PARD3: variants seen among roughly 807,000 people sequenced by gnomAD.
PARD3 encodes the protein partitioning defective 3 homolog.
A neutral mutation model predicts 155.4 loss-of-function variants in PARD3; 75 were observed. That is an observed-to-expected ratio of 0.48 (90% CI 0.40 to 0.58). The LOEUF is 0.58. Among genes scored for constraint, PARD3 ranks in the 20% least tolerant of loss-of-function variants. The pLI is 0.00. For synonymous variants in PARD3, 576 were observed against 610.5 expected, an observed-to-expected ratio of 0.94 and a Z score of 0.83; for missense variants, 1,642 against 1,721.7, an observed-to-expected ratio of 0.95 and a Z score of 0.82.
chr10:34,616,468 T>C (rs1023475022), intron 2 of PARD3, among the ~76,000 whole-genome samples: 5 of 152,122 alleles, frequency 3.3e-5, no homozygotes, highest in African/African-American at 1.2e-4. Flanking sequence ...AGACAAAATA[T>C]TGGAATCAAT....
At chr10:34,163,148 T>C (rs1337179308) in intron 22 of PARD3, among the ~76,000 whole-genome samples, 1 of 152,124 alleles carries the variant, frequency 6.6e-6, no homozygotes, top group Non-Finnish European at 1.5e-5. Flanking sequence ...CCAATACCCT[T>C]GGTAGGACTT....
At chr10:34,505,801 T>C (rs1357262123) in intron 3 of PARD3, among the ~76,000 whole-genome samples, 1 of 152,200 alleles carries the variant, frequency 6.6e-6, no homozygotes, top group Non-Finnish European at 1.5e-5. Context: ...ATTAAATATA[T>C]GGGCCAAATG....
At chr10:34,178,520 G>GT (rs1950132485) in intron 22 of PARD3, among the ~76,000 whole-genome samples, 1 of 152,144 alleles carries the variant, frequency 6.6e-6, no homozygotes, top group African/African-American at 2.4e-5. Flanking sequence ...GACCTTTAGC[G>GT]TAAGAATTGA....
rs201199126 is a variant in PARD3, at chr10:34,646,304, T to C, written c.222+50014A>G. Among the ~76,000 whole-genome samples the C allele has an allele frequency of 1.2e-4, 19 of 152,320 alleles. No individual in the cohort carries two copies. The East Asian group carries it at 3.3e-3, about 26-fold the overall frequency. On this transcript the variant is annotated intron_variant, in intron 2 of 24. Coordinates refer to ENST00000374788, the MANE Select transcript of PARD3 (RefSeq NM_001184785.2). Reference sequence around the variant, plus strand: ...CCCTGATGAATAATTTAGAAAATAATATACTTTATTACTGAAATTTTGCCC... The same window carrying C: ...CCCTGATGAATAATTTAGAAAATAACATACTTTATTACTGAAATTTTGCCC...
At chr10:34,727,906 A>ACACACC (rs1279697246) in intron 1 of PARD3, among the ~76,000 whole-genome samples, 2 of 149,950 alleles carry the variant, frequency 1.3e-5, no homozygotes, top group Admixed American at 6.7e-5. Flanking sequence ...ACACACACAC[A>ACACACC]CCACTTCCAT....
chr10:34,407,599 A>C (rs12263657), intron 5 of PARD3, among the ~76,000 whole-genome samples: 6,655 of 152,310 alleles, frequency 0.044, 470 homozygotes, highest in African/African-American at 0.15. Flanking sequence ...CTAAAAAGGC[A>C]GTCGACATAC....
chr10:34,562,047 C>T (rs1300455142), intron 2 of PARD3, among the ~76,000 whole-genome samples: 2 of 134,232 alleles, frequency 1.5e-5, no homozygotes, highest in Admixed American at 1.7e-4. Context: ...GGGAGAGAAT[C>T]ACTTGAACCT....
chr10:34,270,547 T>C (rs1955565247), intron 21 of PARD3, among the ~76,000 whole-genome samples: 1 of 152,196 alleles, frequency 6.6e-6, no homozygotes, highest in Non-Finnish European at 1.5e-5. Context: ...CATGAATTTG[T>C]TTAAGGCAAG....
At chr10:34,403,216 T>C (rs951343913) in intron 5 of PARD3, among the ~76,000 whole-genome samples, 3 of 152,266 alleles carry the variant, frequency 2.0e-5, no homozygotes, top group Non-Finnish European at 4.4e-5. Flanking sequence ...TGTATACATA[T>C]AATTTGTTAG....
intron 12 of PARD3, among the ~76,000 whole-genome samples, chr10:34,370,807 GGTGTGTGT>G (rs3040369): frequency 0.022 from 3,207 of 145,652 alleles, 48 homozygotes; most frequent in Admixed American, 0.041. Flanking sequence ...ATACAAATGG[GGTGTGTGT>G]GTGTGTGTGT....
At chr10:34,177,988 A>T (rs115229024) in intron 22 of PARD3, among the ~76,000 whole-genome samples, 359 of 152,344 alleles carry the variant, frequency 2.4e-3, no homozygotes, top group African/African-American at 8.2e-3. Context: ...ATACTATTGC[A>T]GGAAAACATA....
intron 18 of PARD3, among the ~76,000 whole-genome samples, chr10:34,331,558 C>T (rs1835617426): frequency 6.6e-6 from 1 of 152,020 alleles, no homozygotes; most frequent in Non-Finnish European, 1.5e-5. Flanking sequence ...TCTCTCTTTG[C>T]ATTAGGAAAA....
intron 16 of PARD3, among the ~76,000 whole-genome samples, chr10:34,338,985 C>T (rs1160289023): frequency 1.3e-5 from 2 of 152,010 alleles, no homozygotes; most frequent in Admixed American, 6.6e-5. Context: ...CCTCAGATGC[C>T]CCTTCACATA....
At chr10:34,155,668 A>G (rs1588956959) in intron 22 of PARD3, among the ~76,000 whole-genome samples, 2 of 140,428 alleles carry the variant, frequency 1.4e-5, no homozygotes, top group South Asian at 5.1e-4. Context: ...CCCTCTAAAA[A>G]TGTGTGTGTG....
At chr10:34,325,323 C>G (rs1958625166) in intron 19 of PARD3, among the ~76,000 whole-genome samples, 1 of 152,022 alleles carries the variant, frequency 6.6e-6, no homozygotes, top group Non-Finnish European at 1.5e-5. Flanking sequence ...TCACTATGCT[C>G]TCACCTGCCC....
intron 2 of PARD3, among the ~76,000 whole-genome samples, chr10:34,518,543 G>A (rs1192681527): frequency 4.6e-5 from 7 of 152,148 alleles, no homozygotes; most frequent in Non-Finnish European, 7.3e-5. Flanking sequence ...TGGACAAAGC[G>A]GAGACAACTT....
chr10:34,609,409 A>G (rs961682066), intron 2 of PARD3, among the ~76,000 whole-genome samples: 4 of 152,220 alleles, frequency 2.6e-5, no homozygotes, highest in Non-Finnish European at 4.4e-5. Context: ...TGCAAGGCAA[A>G]CACCACCAAT....
intron 7 of PARD3, among the ~76,000 whole-genome samples, chr10:34,385,100 A>C (rs968217996): frequency 1.3e-5 from 2 of 152,144 alleles, no homozygotes; most frequent in African/African-American, 2.4e-5. Flanking sequence ...GTCTTAACCT[A>C]GCTCTGATTG....
chr10:34,214,465 T>C (rs1765160), intron 22 of PARD3, among the ~76,000 whole-genome samples: 45,055 of 151,954 alleles, frequency 0.3, 8,209 homozygotes, highest in Non-Finnish European at 0.39. Flanking sequence ...GTGATGCCCG[T>C]TTCTGGGCAC....
Sources: gnomAD v4.1 joint callset for allele counts (sites outside exome capture counted in the v4.1 genomes callset) on GRCh38, gnomAD v4.1.1 for gene constraint, MANE v1.5 for transcripts, NCBI Gene and HGNC (gene_info 2026-07-23, HGNC 2026-07-21) for gene names.